Variants in UBE3C observed in about 807,000 individuals in gnomAD.
UBE3C encodes ubiquitin protein ligase E3C.
UBE3C carries 42 observed loss-of-function variants against 129.4 expected under a neutral mutation model. The ratio of observed to expected loss-of-function variants is 0.32; its 90% CI spans 0.25 to 0.42. The LOEUF is 0.42. Ranked by LOEUF, UBE3C falls within the 10% of genes least tolerant of loss-of-function variation. The pLI is 1.00. For synonymous variants in UBE3C, 510 were observed against 492.4 expected (o/e 1.04, Z -0.47); for missense variants, 1,049 against 1,319.1 (o/e 0.80, Z 3.17).
At position 157,182,290 on chromosome 7, in the gene UBE3C, T is replaced by C; in HGVS notation, c.953T>C (p.Leu318Pro). 6.2e-7 allele frequency: 1 copy of C among 1,613,798 alleles called. No individual in the cohort carries two copies. The highest frequency in any genetic ancestry group is 2.2e-5 in the East Asian group (1 of 44,892). The change falls in exon 8 of 23, where the codon CTT becomes CCT. Residue 318 changes from leucine (L) to proline (P), a missense_variant. By Grantham distance (98) the Leu-to-Pro change is moderately conservative. This residue lies in a region of UBE3C where 489 missense variants were observed against 513.8 expected (regional missense o/e 0.95). Transcript: ENST00000348165. ...CSRKSGGAPW[L>P]FYFVLTVGEN... is the part of the protein sequence containing the mutation. ...AGAAAGAGTGGTGGAGCACCCTGGCTTTTCTATTTCGTTTTAACTGTTGGC... is the reference window on the plus strand; with the variant it reads ...AGAAAGAGTGGTGGAGCACCCTGGCCTTTCTATTTCGTTTTAACTGTTGGC...
At chr7:157,153,298 T>A (rs1392958576) in intron 1 of UBE3C, among the ~76,000 whole-genome samples, 1 of 152,158 alleles carries the variant, frequency 6.6e-6, no homozygotes, top group African/African-American at 2.4e-5. Flanking sequence ...TCACATCACA[T>A]CTTGCCACTG....
At chr7:157,217,927 G>A (rs1795626899) in intron 14 of UBE3C, among the ~76,000 whole-genome samples, 1 of 152,174 alleles carries the variant, frequency 6.6e-6, no homozygotes, top group African/African-American at 2.4e-5. Flanking sequence ...GGAGGCTAAG[G>A]TATGAGAATC....
In UBE3C at chr7:157,225,528, C is replaced by T; in HGVS notation, c.2222C>T (p.Ser741Phe). 6.3e-7 allele frequency: 1 copy of T among 1,585,534 alleles called. No individual in the cohort carries two copies. Among genetic ancestry groups the T allele is most frequent in the Non-Finnish European group, 8.5e-7 (1 of 1,172,020 alleles). Residue 741 changes from serine to phenylalanine, a missense_variant, in exon 17 of 23, where the codon TCT becomes TTT. This residue lies in a region of UBE3C where 314 missense variants were observed against 416.9 expected (regional missense o/e 0.75). Transcript: ENST00000348165. ...TATGAAGATGCTTATGACAAACTTT[C>T]TCCAGAAAATGGTATATATAATTCT... The part of the protein sequence containing the change: ...YIYEDAYDKL[S>F]PENEPDLKKR...
chr7:157,242,812 T>C (rs1023677098), intron 18 of UBE3C, among the ~76,000 whole-genome samples: 1 of 152,202 alleles, frequency 6.6e-6, no homozygotes, highest in African/African-American at 2.4e-5. Flanking sequence ...ATCCCAGCAC[T>C]TTGGGAGGCC....
chr7:157,232,878 A>T (rs955730211), intron 18 of UBE3C, among the ~76,000 whole-genome samples: 1 of 152,210 alleles, frequency 6.6e-6, no homozygotes, highest in Non-Finnish European at 1.5e-5. Flanking sequence ...CTTCTTTTAC[A>T]TAACAGTTTT....
rs143132419 is a variant in UBE3C, at chr7:157,251,167, A to G, written c.2694+2587A>G. ...AGGATTTCTGTAGAAATAAATAGGT[A>G]GTCCTCCTTACAAGTTTTTAAGTTT... is the stretch of plus-strand genomic sequence containing the variant. On this transcript the variant is annotated intron_variant, in intron 19 of 22. Transcript: ENST00000348165. Among the ~76,000 whole-genome samples the G allele has an allele frequency of 6.0e-3, 916 of 152,378 alleles. 7 individuals carry two copies. Among genetic ancestry groups the G allele is most frequent in the Middle Eastern group, 0.031 (9 of 294 alleles).
At chr7:157,194,556 G>A (rs1377227707) in intron 10 of UBE3C, among the ~76,000 whole-genome samples, 2 of 152,166 alleles carry the variant, frequency 1.3e-5, no homozygotes, top group Admixed American at 1.3e-4. Context: ...AGAATTCTGA[G>A]GCGCATGCCA....
chr7:157,215,154 T>C (rs1481358469), intron 13 of UBE3C, among the ~76,000 whole-genome samples: 1 of 152,168 alleles, frequency 6.6e-6, no homozygotes, highest in Non-Finnish European at 1.5e-5. Flanking sequence ...CTTGAGTGGG[T>C]TTTTACTATG....
At chr7:157,161,160 ATTAG>A (rs1341767746) in intron 1 of UBE3C, among the ~76,000 whole-genome samples, 5 of 152,182 alleles carry the variant, frequency 3.3e-5, no homozygotes, top group Non-Finnish European at 4.4e-5. Context: ...AAGTTTGTAG[ATTAG>A]TTAATGTTAT....
At chr7:157,210,987 C>A (rs780792981) in intron 13 of UBE3C, among the ~76,000 whole-genome samples, 41 of 152,162 alleles carry the variant, frequency 2.7e-4, no homozygotes, top group Non-Finnish European at 3.2e-4. Context: ...TTTATAAACT[C>A]CTCTTGAAGT....
chr7:157,210,719 T>C (rs1586691355), intron 13 of UBE3C, among the ~76,000 whole-genome samples: 1 of 152,354 alleles, frequency 6.6e-6, no homozygotes, highest in East Asian at 1.9e-4. Flanking sequence ...CAGAAGCGTT[T>C]AGCCCATGAT....
chr7:157,172,773 G>A (rs1808412926), intron 4 of UBE3C, among the ~76,000 whole-genome samples: 1 of 152,306 alleles, frequency 6.6e-6, no homozygotes, highest in Admixed American at 6.5e-5. Context: ...GGATGTCCTG[G>A]CCTCACATAC....
intron 1 of UBE3C, among the ~76,000 whole-genome samples, chr7:157,142,556 C>T (rs1036690154): frequency 1.3e-5 from 2 of 152,176 alleles, no homozygotes; most frequent in African/African-American, 4.8e-5. Flanking sequence ...GACGAGAAGG[C>T]ATTCCAGGTT....
intron 2 of UBE3C, among the ~76,000 whole-genome samples, chr7:157,165,397 C>CTT (rs34554349): frequency 5.9e-4 from 73 of 124,668 alleles, no homozygotes; most frequent in Admixed American, 2.8e-3. Context: ...TTAGCATTGA[C>CTT]TTTTTTTTTT....
intron 14 of UBE3C, among the ~76,000 whole-genome samples, chr7:157,219,107 A>G (rs755309907): frequency 6.6e-6 from 1 of 152,144 alleles, no homozygotes; most frequent in Non-Finnish European, 1.5e-5. Flanking sequence ...GGTGAAGGAG[A>G]TGACCAGGGC....
At position 157,187,031 on chromosome 7, in the gene UBE3C, C is replaced by T. The variant is rs777534996; in HGVS notation, c.1331+10C>T. 1.1e-5 allele frequency: 17 copies of T among 1,587,152 alleles called. No homozygotes were observed. The African/African-American group carries it at 1.2e-4, about 11-fold the overall frequency. On this transcript the variant is annotated intron_variant, in intron 10 of 22. Transcript: ENST00000348165. ...TGGTACCCAAAGTCAGGCAAGTGTC[C>T]GTGGGCGTCTGTGCCAGGGGGTGCC... is the stretch of plus-strand genomic sequence containing the variant.
intron 10 of UBE3C, among the ~76,000 whole-genome samples, chr7:157,193,258 C>A (rs1318185323): frequency 6.7e-6 from 1 of 148,808 alleles, no homozygotes; most frequent in Non-Finnish European, 1.5e-5. Flanking sequence ...TTAGAAGTGT[C>A]CAGTAATATT....
intron 13 of UBE3C, among the ~76,000 whole-genome samples, chr7:157,214,786 A>T (rs1809689113): frequency 6.6e-6 from 1 of 152,238 alleles, no homozygotes; most frequent in Admixed American, 6.5e-5. Flanking sequence ...GCTTTTGAAG[A>T]GTAAAATGAA....
chr7:157,204,398 C>CAAAAAAAAA (rs35298527), intron 11 of UBE3C, among the ~76,000 whole-genome samples: 13 of 86,392 alleles, frequency 1.5e-4, no homozygotes, highest in East Asian at 3.5e-4. Context: ...AACTTTGTTT[C>CAAAAAAAAA]AAAAAAAAAA....
Sources: gnomAD v4.1 joint callset for allele counts (sites outside exome capture counted in the v4.1 genomes callset) on GRCh38, gnomAD v4.1.1 for gene constraint, gnomAD v4.1.1 regional missense constraint, MANE v1.5 for transcripts, NCBI Gene and HGNC (gene_info 2026-07-23, HGNC 2026-07-21) for gene names.